Variants in KSR2 observed in about 807,000 individuals in gnomAD.
The protein encoded by KSR2 is kinase suppressor of ras 2.
A neutral mutation model predicts 107.8 loss-of-function variants in KSR2; 25 were observed. The observed-to-expected ratio is 0.23, with a 90% CI of 0.17 to 0.32. KSR2 has a LOEUF of 0.32. Ranked by LOEUF, KSR2 falls within the 10% of genes least tolerant of loss-of-function variation. The pLI is 1.00. For missense variants in KSR2, 887 were observed against 1,268.9 expected, an observed-to-expected ratio of 0.70 and a Z score of 4.57; for synonymous variants, 480 against 507.0, an observed-to-expected ratio of 0.95 and a Z score of 0.71.
At chr12:117,529,970 G>A (rs1009471079) in intron 12 of KSR2, among the ~76,000 whole-genome samples, 6 of 152,156 alleles carry the variant, frequency 3.9e-5, no homozygotes, top group South Asian at 2.1e-4. Flanking sequence ...GCAGTGAACC[G>A]TGATTGCACC....
intron 3 of KSR2, among the ~76,000 whole-genome samples, chr12:117,813,894 T>A (rs1019711178): frequency 6.6e-6 from 1 of 152,094 alleles, no homozygotes; most frequent in African/African-American, 2.4e-5. Flanking sequence ...AAGAGATGAA[T>A]GGATAAAGGA....
At chr12:117,942,667 GT>G (rs62913160) in intron 1 of KSR2, among the ~76,000 whole-genome samples, 24,243 of 138,618 alleles carry the variant, frequency 0.17, 2,206 homozygotes, top group African/African-American at 0.26. Flanking sequence ...TTTTTTTTGT[GT>G]TTTTTTTTTT....
At chr12:117,806,150 T>C (rs1890998975) in intron 3 of KSR2, among the ~76,000 whole-genome samples, 1 of 152,108 alleles carries the variant, frequency 6.6e-6, no homozygotes, top group South Asian at 2.1e-4. Flanking sequence ...AAGTTAAGGC[T>C]CAGGAGGGAG....
intron 3 of KSR2, among the ~76,000 whole-genome samples, chr12:117,763,233 T>C (rs186247854): frequency 0.033 from 4,954 of 152,146 alleles, 87 homozygotes; most frequent in Admixed American, 0.045. Flanking sequence ...TCATTTTTTA[T>C]GGCTGCATAG....
chr12:117,676,344 C>T (rs760727187), intron 4 of KSR2, among the ~76,000 whole-genome samples: 21 of 152,292 alleles, frequency 1.4e-4, no homozygotes, highest in Admixed American at 3.9e-4. Flanking sequence ...TGGAGGAATA[C>T]GCAGTCCTTT....
chr12:117,522,321 G>T (rs1361905948), intron 14 of KSR2, among the ~76,000 whole-genome samples: 1 of 152,086 alleles, frequency 6.6e-6, no homozygotes, highest in Non-Finnish European at 1.5e-5. Flanking sequence ...CATAGGTAAT[G>T]CTGAACAGGG....
At chr12:117,516,092 G>A (rs1384355342) in intron 14 of KSR2, among the ~76,000 whole-genome samples, 2 of 152,004 alleles carry the variant, frequency 1.3e-5, no homozygotes, top group African/African-American at 4.8e-5. Context: ...TCTCAACCGG[G>A]CCACAATGCT....
chr12:117,536,256 G>C (rs1452249421), intron 10 of KSR2, among the ~76,000 whole-genome samples: 1 of 152,100 alleles, frequency 6.6e-6, no homozygotes, highest in Admixed American at 6.5e-5. Flanking sequence ...CACAGGCAAA[G>C]CTCCATTTTT....
At chr12:117,710,748 C>A (rs943158599) in intron 4 of KSR2, among the ~76,000 whole-genome samples, 1 of 152,088 alleles carries the variant, frequency 6.6e-6, no homozygotes, top group African/African-American at 2.4e-5. Context: ...GTTAAATAAA[C>A]GGTCAGTACT....
intron 1 of KSR2, among the ~76,000 whole-genome samples, chr12:117,956,773 T>TTTTTTTTA (rs1896531973): frequency 1.3e-5 from 2 of 151,454 alleles, no homozygotes; most frequent in African/African-American, 4.9e-5. Flanking sequence ...CTTAAAAAAA[T>TTTTTTTTA]TTTTTTTAAT....
intron 4 of KSR2, among the ~76,000 whole-genome samples, chr12:117,700,129 C>T (rs1353677519): frequency 6.6e-6 from 1 of 151,952 alleles, no homozygotes; most frequent in Non-Finnish European, 1.5e-5. Flanking sequence ...GATCTGCCTG[C>T]CTCAGCCTTC....
chr12:117,893,179 G>A (rs762463374), intron 1 of KSR2, among the ~76,000 whole-genome samples: 11 of 151,798 alleles, frequency 7.2e-5, no homozygotes, highest in Middle Eastern at 3.4e-3. Flanking sequence ...CACCATGTCC[G>A]GCTAAGTTTT....
chr12:117,616,695 G>C (rs1881910156), intron 5 of KSR2, among the ~76,000 whole-genome samples: 1 of 152,172 alleles, frequency 6.6e-6, no homozygotes, highest in South Asian at 2.1e-4. Flanking sequence ...CTGTATCACA[G>C]CCCAACTTCT....
At chr12:117,582,959 T>C (rs569244366) in intron 5 of KSR2, among the ~76,000 whole-genome samples, 2 of 152,362 alleles carry the variant, frequency 1.3e-5, no homozygotes, top group East Asian at 3.9e-4. Flanking sequence ...TTAGGCTGAC[T>C]CCAATTTTTT....
intron 4 of KSR2, among the ~76,000 whole-genome samples, chr12:117,678,102 A>ATTTTTTTTT (rs35096843): frequency 7.8e-6 from 1 of 127,544 alleles, no homozygotes; most frequent in African/African-American, 2.9e-5. Flanking sequence ...AGCCCAGCTA[A>ATTTTTTTTT]TTTTTTTTTT....
chr12:117,570,612 C>G (rs1207450355), intron 7 of KSR2, among the ~76,000 whole-genome samples: 1 of 152,202 alleles, frequency 6.6e-6, no homozygotes, highest in Non-Finnish European at 1.5e-5. Context: ...TTTAGTGGGT[C>G]TGTTTCTTTT....
At chr12:117,967,987 G>A in intron 1 of KSR2, 89 bp downstream of exon 1, 1 of 1,226,346 alleles carries the variant, frequency 8.2e-7, no homozygotes, top group East Asian at 2.3e-5. Flanking sequence ...GAATCAGAGG[G>A]AAAGGGGACC....
chr12:117,693,145 G>A (rs374451343), intron 4 of KSR2, among the ~76,000 whole-genome samples: 3 of 152,134 alleles, frequency 2.0e-5, no homozygotes, highest in Admixed American at 6.5e-5. Flanking sequence ...CTGGGAGGCC[G>A]AGGTTCTGGA....
intron 1 of KSR2, among the ~76,000 whole-genome samples, chr12:117,899,951 C>T (rs1894632291): frequency 6.6e-6 from 1 of 152,174 alleles, no homozygotes; most frequent in Non-Finnish European, 1.5e-5. Flanking sequence ...AGTCAGAAAG[C>T]TGCAAGGACA....
Sources: allele counts gnomAD v4.1 joint callset (sites outside exome capture counted in the v4.1 genomes callset), GRCh38; gene constraint gnomAD v4.1.1; transcripts MANE v1.5; gene names NCBI Gene and HGNC (gene_info 2026-07-23, HGNC 2026-07-21).